MAPK8: variants seen among roughly 807,000 people sequenced by gnomAD.
MAPK8 encodes the protein JUN N-terminal kinase.
In MAPK8, 13 loss-of-function variants were observed where a neutral mutation model predicts 52.9. That is an observed-to-expected ratio of 0.25 (90% CI 0.16 to 0.39). MAPK8 has a LOEUF of 0.39. Among genes scored for constraint, MAPK8 ranks in the 10% least tolerant of loss-of-function variants. The probability of loss-of-function intolerance (pLI) is 1.00; values close to 1 mark genes in which losing one functional copy is unlikely to be tolerated. For synonymous variants in MAPK8, 191 were observed against 169.8 expected (o/e 1.12, Z -0.97); for missense variants, 300 against 519.2 (o/e 0.58, Z 4.10).
intron 5 of MAPK8, among the ~76,000 whole-genome samples, chr10:48,413,320 C>T (rs1490472442): frequency 1.3e-5 from 2 of 152,128 alleles, no homozygotes; most frequent in Admixed American, 6.5e-5. Flanking sequence ...GTGGAATTGC[C>T]GGATCACATG....
intron 1 of MAPK8, among the ~76,000 whole-genome samples, chr10:48,384,830 C>T (rs2041216013): frequency 6.6e-6 from 1 of 152,190 alleles, no homozygotes; most frequent in South Asian, 2.1e-4. Context: ...ATCCTGCTCA[C>T]AGTGCCAGAA....
At chr10:48,380,588 G>T (rs1340962016) in intron 1 of MAPK8, among the ~76,000 whole-genome samples, 1 of 152,028 alleles carries the variant, frequency 6.6e-6, no homozygotes, top group Non-Finnish European at 1.5e-5. Context: ...AAAAAAATTA[G>T]CCGGGCGTGG....
chr10:48,362,939 C>G (rs1358982734), intron 1 of MAPK8, among the ~76,000 whole-genome samples: 1 of 151,992 alleles, frequency 6.6e-6, no homozygotes, highest in Non-Finnish European at 1.5e-5. Context: ...CAGGGTTTCA[C>G]CATGTTGGCC....
intron 3 of MAPK8, among the ~76,000 whole-genome samples, chr10:48,406,960 G>A (rs184117441): frequency 6.6e-5 from 10 of 152,188 alleles, no homozygotes; most frequent in Admixed American, 3.3e-4. Flanking sequence ...TCTGACTCCC[G>A]TTGTCTTTCT....
intron 1 of MAPK8, among the ~76,000 whole-genome samples, chr10:48,379,417 C>T (rs1374355378): frequency 1.3e-5 from 2 of 152,144 alleles, no homozygotes; most frequent in African/African-American, 2.4e-5. Context: ...GTCTCCAATG[C>T]GTCCTCTTAC....
At chr10:48,360,201 A>G (rs1309715875) in intron 1 of MAPK8, among the ~76,000 whole-genome samples, 1 of 152,182 alleles carries the variant, frequency 6.6e-6, no homozygotes, top group African/African-American at 2.4e-5. Flanking sequence ...AAAGAACTCG[A>G]ACAGTTGAAC....
At chr10:48,340,160 C>G (rs1248892289) in intron 1 of MAPK8, among the ~76,000 whole-genome samples, 1 of 152,054 alleles carries the variant, frequency 6.6e-6, no homozygotes, top group Non-Finnish European at 1.5e-5. Context: ...AAGTGTTCAT[C>G]AACAGTGGAT....
At chr10:48,355,660 ATATT>A (rs1425802599) in intron 1 of MAPK8, among the ~76,000 whole-genome samples, 7 of 152,244 alleles carry the variant, frequency 4.6e-5, no homozygotes, top group Non-Finnish European at 8.8e-5. Context: ...TTAAAAATAA[ATATT>A]TATCTGAATG....
chr10:48,371,881 A>G (rs893959472), intron 1 of MAPK8, among the ~76,000 whole-genome samples: 4 of 152,082 alleles, frequency 2.6e-5, no homozygotes, highest in Non-Finnish European at 5.9e-5. Flanking sequence ...AAATACTTAC[A>G]TTTATCCACT....
intron 1 of MAPK8, among the ~76,000 whole-genome samples, chr10:48,313,507 C>T (rs181858230): frequency 4.7e-4 from 71 of 151,624 alleles, no homozygotes; most frequent in Non-Finnish European, 8.4e-4. Context: ...ATAACAAATA[C>T]AAGTAGGGTG....
chr10:48,311,731 A>G (rs1345223179), intron 1 of MAPK8, among the ~76,000 whole-genome samples: 1 of 152,220 alleles, frequency 6.6e-6, no homozygotes, highest in African/African-American at 2.4e-5. Flanking sequence ...GAGATTATTT[A>G]TTAGTACCAC....
Position 48,420,282 on chromosome 10 carries a change from C to T in MAPK8, c.578C>T (p.Ala193Val). 1.2e-6 allele frequency: 2 copies of T among 1,612,920 alleles called. No homozygotes were observed. Among genetic ancestry groups the T allele is most frequent in the Non-Finnish European group, 1.7e-6 (2 of 1,179,176 alleles). The stretch of plus-strand genomic sequence containing the variant: ...TATGTAGTGACTCGCTACTACAGAG[C>T]ACCCGAGGTCATCCTTGGCATGGGC... ...TPYVVTRYYR[A>V]PEVILGMGYK... The change falls in exon 6 of 12, where the codon GCA becomes GTA. Residue 193 changes from alanine (A) to valine (V), a missense_variant. Transcript: ENST00000374189.
chr10:48,326,282 G>A (rs1451246503), intron 1 of MAPK8, among the ~76,000 whole-genome samples: 1 of 152,136 alleles, frequency 6.6e-6, no homozygotes, highest in Non-Finnish European at 1.5e-5. Context: ...TTGGGTTATA[G>A]TCCAATACTA....
At chr10:48,424,568 T>G in intron 7 of MAPK8, 1 of 1,600,842 alleles carries the variant, frequency 6.2e-7, no homozygotes, top group Non-Finnish European at 8.5e-7. Flanking sequence ...GGTGGTGTTT[T>G]GTTCCCAGGT....
At chr10:48,352,671 A>G (rs967859167) in intron 1 of MAPK8, among the ~76,000 whole-genome samples, 1 of 152,250 alleles carries the variant, frequency 6.6e-6, no homozygotes, top group Non-Finnish European at 1.5e-5. Flanking sequence ...ACCTGATGAA[A>G]GACTGAATGC....
chr10:48,391,172 C>G (rs1307256733), intron 1 of MAPK8, among the ~76,000 whole-genome samples: 1 of 152,138 alleles, frequency 6.6e-6, no homozygotes, highest in Admixed American at 6.6e-5. Flanking sequence ...AGTCTTCTTG[C>G]TGTAGGAGTA....
intron 1 of MAPK8, among the ~76,000 whole-genome samples, chr10:48,375,908 C>T (rs1462577560): frequency 6.6e-6 from 1 of 152,042 alleles, no homozygotes; most frequent in African/African-American, 2.4e-5. Context: ...CATATGGAAC[C>T]AAAATAGAGC....
At chr10:48,414,559 T>C (rs1169416125) in intron 5 of MAPK8, among the ~76,000 whole-genome samples, 1 of 144,002 alleles carries the variant, frequency 6.9e-6, no homozygotes, top group Non-Finnish European at 1.5e-5. Flanking sequence ...GTTCAATAGG[T>C]TGAAAAGAAT....
At chr10:48,334,391 A>T (rs1844464144) in intron 1 of MAPK8, among the ~76,000 whole-genome samples, 1 of 152,016 alleles carries the variant, frequency 6.6e-6, no homozygotes, top group Non-Finnish European at 1.5e-5. Context: ...GGAACTGCAG[A>T]TTGGGACTCT....
Sources: gnomAD v4.1 joint callset for allele counts (sites outside exome capture counted in the v4.1 genomes callset) on GRCh38, gnomAD v4.1.1 for gene constraint, MANE v1.5 for transcripts, NCBI Gene and HGNC (gene_info 2026-07-23, HGNC 2026-07-21) for gene names.